CAMK1D: variants seen among roughly 807,000 people sequenced by gnomAD.
CAMK1D encodes calcium/calmodulin-dependent protein kinase type 1D.
Under a neutral mutation model 47.7 loss-of-function variants are expected in CAMK1D, and 9 were observed. That is an observed-to-expected ratio of 0.19 (90% CI 0.11 to 0.33). CAMK1D has a LOEUF of 0.33. Among genes scored for constraint, CAMK1D ranks in the 10% least tolerant of loss-of-function variants. CAMK1D has a pLI of 1.00. For missense variants in CAMK1D, 291 were observed against 488.7 expected (o/e 0.60, Z 3.81); for synonymous variants, 184 against 184.9 (o/e 0.99, Z 0.04).
At chr10:12,622,364 G>C (rs1049600561) in intron 2 of CAMK1D, among the ~76,000 whole-genome samples, 6 of 152,110 alleles carry the variant, frequency 3.9e-5, no homozygotes, top group African/African-American at 7.2e-5. Flanking sequence ...TTTGGTCTGA[G>C]CCCATTGGTG....
chr10:12,406,638 G>A (rs547922983), intron 1 of CAMK1D, among the ~76,000 whole-genome samples: 1 of 146,064 alleles, frequency 6.8e-6, no homozygotes, highest in South Asian at 2.2e-4. Context: ...CACAAGAATT[G>A]GTTGAGCCGG....
At chr10:12,407,799 C>G (rs1303581935) in intron 1 of CAMK1D, among the ~76,000 whole-genome samples, 1 of 151,676 alleles carries the variant, frequency 6.6e-6, no homozygotes, top group Non-Finnish European at 1.5e-5. Flanking sequence ...AAACACATAT[C>G]CTGGGAAAAA....
intron 6 of CAMK1D, among the ~76,000 whole-genome samples, chr10:12,809,138 G>T (rs962912944): frequency 3.3e-5 from 5 of 151,866 alleles, no homozygotes; most frequent in Admixed American, 6.6e-5. Context: ...AATCCATACA[G>T]AAATACTTTT....
chr10:12,777,158 C>T (rs1178076605), intron 5 of CAMK1D, among the ~76,000 whole-genome samples: 2 of 152,060 alleles, frequency 1.3e-5, no homozygotes, highest in Admixed American at 1.3e-4. Flanking sequence ...GAGCTGAGTC[C>T]TGGGGACATC....
intron 3 of CAMK1D, among the ~76,000 whole-genome samples, chr10:12,675,940 GTTTT>G (rs769692690): frequency 7.0e-4 from 106 of 151,596 alleles, no homozygotes; most frequent in Non-Finnish European, 9.4e-4. Flanking sequence ...CTTTTTTTAT[GTTTT>G]GTTTGTTTGT....
At chr10:12,707,217 T>C (rs1322704407) in intron 3 of CAMK1D, among the ~76,000 whole-genome samples, 1 of 152,202 alleles carries the variant, frequency 6.6e-6, no homozygotes, top group Non-Finnish European at 1.5e-5. Context: ...CAGAAAAAAT[T>C]AATTCCAGTT....
chr10:12,351,979 T>C (rs1181593996), intron 1 of CAMK1D, among the ~76,000 whole-genome samples: 1 of 152,218 alleles, frequency 6.6e-6, no homozygotes, highest in Non-Finnish European at 1.5e-5. Context: ...ATGGTAATCA[T>C]AGGTGGTATT....
At chr10:12,372,582 A>T (rs1838035907) in intron 1 of CAMK1D, among the ~76,000 whole-genome samples, 1 of 152,168 alleles carries the variant, frequency 6.6e-6, no homozygotes, top group African/African-American at 2.4e-5. Context: ...GCATGGTATG[A>T]AGTGTTTCAG....
intron 3 of CAMK1D, among the ~76,000 whole-genome samples, chr10:12,741,510 CTG>C (rs1318451541): frequency 2.0e-5 from 3 of 152,208 alleles, no homozygotes; most frequent in Admixed American, 2.0e-4. Flanking sequence ...TGGCTACAGT[CTG>C]TGAAACATCA....
At chr10:12,541,882 C>CCTTCCTTCCTTCCTTCCTTCCTTCCTT (rs1564401128) in intron 1 of CAMK1D, among the ~76,000 whole-genome samples, 1 of 138,298 alleles carries the variant, frequency 7.2e-6, no homozygotes, top group African/African-American at 2.7e-5. Context: ...TTCCTTCCTT[C>CCTTCCTTCCTTCCTTCCTTCCTTCCTT]CTTCCTTTTT....
At chr10:12,770,401 A>G (rs1427206968) in intron 5 of CAMK1D, among the ~76,000 whole-genome samples, 1 of 151,596 alleles carries the variant, frequency 6.6e-6, no homozygotes, top group Non-Finnish European at 1.5e-5. Context: ...TCATCTTTTG[A>G]CTTCCGGGGT....
At chr10:12,501,754 A>G (rs1834711299) in intron 1 of CAMK1D, among the ~76,000 whole-genome samples, 3 of 150,034 alleles carry the variant, frequency 2.0e-5, no homozygotes, top group Non-Finnish European at 3.0e-5. Context: ...GCTGTTAAAC[A>G]TCCCTTAATG....
At chr10:12,591,453 C>G (rs1411767671) in intron 2 of CAMK1D, among the ~76,000 whole-genome samples, 4 of 152,232 alleles carry the variant, frequency 2.6e-5, no homozygotes, top group Admixed American at 6.5e-5. Flanking sequence ...GCTTTCCCTT[C>G]TTCCACTAAA....
intron 1 of CAMK1D, among the ~76,000 whole-genome samples, chr10:12,361,841 C>A (rs986723082): frequency 6.6e-6 from 1 of 152,078 alleles, no homozygotes; most frequent in African/African-American, 2.4e-5. Context: ...CAGGTGTGAG[C>A]CACCGCTCCT....
At chr10:12,677,199 C>T (rs1163054543) in intron 3 of CAMK1D, among the ~76,000 whole-genome samples, 2 of 152,116 alleles carry the variant, frequency 1.3e-5, no homozygotes, top group Non-Finnish European at 2.9e-5. Context: ...ATATTGTATT[C>T]ATAATTCATA....
intron 3 of CAMK1D, among the ~76,000 whole-genome samples, chr10:12,667,795 G>A (rs1335249360): frequency 6.6e-6 from 1 of 152,174 alleles, no homozygotes; most frequent in Non-Finnish European, 1.5e-5. Flanking sequence ...CCTTATGAAT[G>A]TTTGAACAAC....
At chr10:12,661,550 T>G (rs1017198661) in intron 2 of CAMK1D, among the ~76,000 whole-genome samples, 10 of 152,250 alleles carry the variant, frequency 6.6e-5, no homozygotes, top group Non-Finnish European at 1.5e-4. Flanking sequence ...AGTGCAGTCT[T>G]AACACATAGT....
At chr10:12,367,279 A>G (rs1837865043) in intron 1 of CAMK1D, among the ~76,000 whole-genome samples, 1 of 152,082 alleles carries the variant, frequency 6.6e-6, no homozygotes, top group Non-Finnish European at 1.5e-5. Context: ...TAAACCTTGA[A>G]GCCAACCCCT....
chr10:12,366,602 T>G (rs1837843579), intron 1 of CAMK1D, among the ~76,000 whole-genome samples: 1 of 151,498 alleles, frequency 6.6e-6, no homozygotes, highest in East Asian at 1.9e-4. Flanking sequence ...GGGGTTGCAG[T>G]GAGCTGAGAT....
Sources: gnomAD v4.1 joint callset for allele counts (sites outside exome capture counted in the v4.1 genomes callset) on GRCh38, gnomAD v4.1.1 for gene constraint, MANE v1.5 for transcripts, NCBI Gene and HGNC (gene_info 2026-07-23, HGNC 2026-07-21) for gene names.